GARNL3: variants seen among roughly 807,000 people sequenced by gnomAD.
The protein encoded by GARNL3 is GTPase-activating Rap/Ran-GAP domain-like protein 3.
A neutral mutation model predicts 125.0 loss-of-function variants in GARNL3; 63 were observed. The observed-to-expected ratio is 0.50, with a 90% CI of 0.41 to 0.62. The LOEUF is 0.62. Among genes scored for constraint, GARNL3 ranks in the 20% least tolerant of loss-of-function variants. The pLI, the probability that GARNL3 is intolerant of heterozygous loss-of-function variation, is 0.00. For missense variants in GARNL3, 994 were observed against 1,244.0 expected (o/e 0.80, Z 3.02); for synonymous variants, 439 against 457.5 (o/e 0.96, Z 0.52).
chr9:127,387,469 G>A (rs1434051823), intron 25 of GARNL3, 138 bp downstream of exon 25: 53 of 901,420 alleles, frequency 5.9e-5, no homozygotes, highest in Middle Eastern at 3.5e-4. Flanking sequence ...CTAGCTGAGC[G>A]TGGTGGCTCA....
intron 1 of GARNL3, among the ~76,000 whole-genome samples, chr9:127,226,951 G>A (rs1293643595): frequency 2.0e-5 from 3 of 152,236 alleles, no homozygotes; most frequent in African/African-American, 7.2e-5. Context: ...GGAACTTTCC[G>A]CAGTGATGGA....
Position 127,357,226 on chromosome 9 carries a change from G to A in GARNL3, c.1943G>A (p.Cys648Tyr). ...VEEFQYIREICLSDSPMVMTL... is the reference protein window; with the variant it reads ...VEEFQYIREIYLSDSPMVMTL... ...TCCTCACCAACCACACAGGAGATCT[G>A]TCTGTCTGACTCTCCCATGGTGATG... Residue 648 changes from cysteine to tyrosine, a missense_variant, in exon 21 of 28, where the codon TGT becomes TAT. Physicochemically the swap from Cys to Tyr is radical, Grantham distance 194. Around this residue, in one of 5 missense-constraint regions of GARNL3, gnomAD observed 728 missense variants for 865.7 expected, o/e 0.84. Coordinates refer to ENST00000373387, the MANE Select transcript of GARNL3 (RefSeq NM_032293.5). The A allele has an allele frequency of 1.2e-6, 2 of 1,614,174 alleles. No individual in the cohort carries two copies. Among genetic ancestry groups the A allele is most frequent in the South Asian group, 2.2e-5 (2 of 91,074 alleles).
At chr9:127,271,360 T>C (rs530915300) in intron 1 of GARNL3, among the ~76,000 whole-genome samples, 4 of 150,488 alleles carry the variant, frequency 2.7e-5, no homozygotes, top group Admixed American at 2.0e-4. Flanking sequence ...TTAGTAACTA[T>C]TGATTGAATG....
chr9:127,350,104 T>C (rs1402936239), intron 17 of GARNL3, among the ~76,000 whole-genome samples: 2 of 152,252 alleles, frequency 1.3e-5, no homozygotes, highest in Admixed American at 1.3e-4. Context: ...TTTTGATATG[T>C]GTTTCAATTG....
intron 2 of GARNL3, among the ~76,000 whole-genome samples, chr9:127,297,692 A>T (rs753189786): frequency 3.9e-5 from 6 of 152,220 alleles, no homozygotes; most frequent in Non-Finnish European, 5.9e-5. Context: ...TCCACCAGGT[A>T]ATTCTATTTA....
rs527260353 is a variant in GARNL3, at chr9:127,271,390, T to C, written c.144+6369T>C. On this transcript the variant is annotated intron_variant, in intron 1 of 27. Transcript: ENST00000373387. ...TGAATGAATGAATGATCCCATTTGG[T>C]TGAAATTAGAGAGTGGCCTAACCCA... is the stretch of plus-strand genomic sequence containing the variant. Among the ~76,000 whole-genome samples, 19 of 150,414 alleles carry C rather than the reference T, an allele frequency of 1.3e-4. No individual in the cohort carries two copies. In the South Asian group the frequency reaches 1.7e-3, roughly 13 times the overall value.
intron 1 of GARNL3, among the ~76,000 whole-genome samples, chr9:127,232,598 C>T (rs1333253608): frequency 6.6e-6 from 1 of 152,148 alleles, no homozygotes; most frequent in Non-Finnish European, 1.5e-5. Context: ...CATGAGGCAC[C>T]GTGCCCAGCC....
chr9:127,360,215 G>A (rs1830915148), intron 21 of GARNL3, among the ~76,000 whole-genome samples: 1 of 152,068 alleles, frequency 6.6e-6, no homozygotes, highest in South Asian at 2.1e-4. Context: ...TAGAGACAGG[G>A]TTTCACCATG....
chr9:127,387,006 A>G, intron 24 of GARNL3, 187 bp from the exon 25 acceptor site: 1 of 516,706 alleles, frequency 1.9e-6, no homozygotes, highest in Non-Finnish European at 3.4e-6. Context: ...ACTCAGGAAA[A>G]GTGTAACTAG....
At chr9:127,237,285 A>G (rs768675396) in intron 1 of GARNL3, among the ~76,000 whole-genome samples, 28 of 152,196 alleles carry the variant, frequency 1.8e-4, no homozygotes, top group Non-Finnish European at 2.6e-4. Context: ...CTACTTCAGA[A>G]AGCTGGAGAA....
Position 127,311,860 on chromosome 9 carries a change from T to A in GARNL3, c.319+125T>A, listed in dbSNP as rs2065107549. 4.7e-6 allele frequency: 3 copies of A among 636,716 alleles called. No homozygotes were observed. The Admixed American group carries it at 7.4e-5, about 16-fold the overall frequency. The allele number at this position is 636,716 out of a possible 1,614,324, so 39.4% of individuals were successfully genotyped here. On this transcript the variant is annotated intron_variant, in intron 3 of 27. Coordinates refer to ENST00000373387, the MANE Select transcript of GARNL3 (RefSeq NM_032293.5). ...TTAGGAACACTAACATCAGGGCATT[T>A]CACTTCAAGGTCAGTAGTAAGCTTT...
At chr9:127,369,991 TG>T (rs1831519473) in intron 22 of GARNL3, among the ~76,000 whole-genome samples, 1 of 152,176 alleles carries the variant, frequency 6.6e-6, no homozygotes, top group Non-Finnish European at 1.5e-5. Context: ...CAGGCAGCCG[TG>T]GCAGTGGTGC....
chr9:127,272,775 C>G (rs1328231933), intron 1 of GARNL3, among the ~76,000 whole-genome samples: 1 of 152,180 alleles, frequency 6.6e-6, no homozygotes, highest in African/African-American at 2.4e-5. Context: ...CAAAGTATAT[C>G]AGAACATTCA....
intron 2 of GARNL3, among the ~76,000 whole-genome samples, chr9:127,256,943 C>T (rs2063505147): frequency 6.6e-6 from 1 of 152,202 alleles, no homozygotes; most frequent in African/African-American, 2.4e-5. Context: ...TCCCCAAAGG[C>T]TCTCTCATGT....
At chr9:127,299,866 A>G (rs551353482) in intron 2 of GARNL3, among the ~76,000 whole-genome samples, 74 of 149,324 alleles carry the variant, frequency 5.0e-4, no homozygotes, top group African/African-American at 1.7e-3. Flanking sequence ...TGCCCAGCCA[A>G]TTTTTTTTTG....
intron 14 of GARNL3, among the ~76,000 whole-genome samples, chr9:127,342,625 C>CATTG (rs1283436755): frequency 7.2e-5 from 11 of 152,108 alleles, no homozygotes; most frequent in Non-Finnish European, 1.5e-4. Context: ...ATCTCTGGAG[C>CATTG]ATTGAAGAGT....
intron 2 of GARNL3, among the ~76,000 whole-genome samples, chr9:127,248,596 CTTTTTTTT>C (rs745331884): frequency 3.1e-4 from 23 of 74,572 alleles, no homozygotes; most frequent in South Asian, 2.3e-3. Context: ...TTTTTCTTTT[CTTTTTTTT>C]TTTTTTTTTT....
At chr9:127,295,193 G>C (rs2064550999) in intron 2 of GARNL3, among the ~76,000 whole-genome samples, 1 of 152,186 alleles carries the variant, frequency 6.6e-6, no homozygotes, top group African/African-American at 2.4e-5. Context: ...TGAATCCACT[G>C]AACATGTACT....
At chr9:127,267,623 G>A (rs143234218) in intron 1 of GARNL3, among the ~76,000 whole-genome samples, 8 of 152,290 alleles carry the variant, frequency 5.3e-5, no homozygotes, top group African/African-American at 1.7e-4. Context: ...AATGAGCAGA[G>A]CTCCGTTCTT....
Sources: gnomAD v4.1 joint callset for allele counts (sites outside exome capture counted in the v4.1 genomes callset) on GRCh38, gnomAD v4.1.1 for gene constraint, gnomAD v4.1.1 regional missense constraint, MANE v1.5 for transcripts, NCBI Gene and HGNC (gene_info 2026-07-23, HGNC 2026-07-21) for gene names.